Variants in CRISPLD2 observed in about 807,000 individuals in gnomAD.
CRISPLD2 encodes cysteine-rich secretory protein LCCL domain-containing 2.
A neutral mutation model predicts 71.1 loss-of-function variants in CRISPLD2; 47 were observed. That is an observed-to-expected ratio of 0.66 (90% CI 0.52 to 0.84). The LOEUF is 0.84. CRISPLD2 is among the 40% of genes least tolerant of loss of function. CRISPLD2 has a pLI of 0.00. For missense variants in CRISPLD2, 830 were observed against 651.1 expected, an observed-to-expected ratio of 1.27 and a Z score of -2.99; for synonymous variants, 317 against 250.1, an observed-to-expected ratio of 1.27 and a Z score of -2.52.
At chr16:84,829,505 C>T (rs766675876) in intron 1 of CRISPLD2, among the ~76,000 whole-genome samples, 1 of 152,158 alleles carries the variant, frequency 6.6e-6, no homozygotes, top group Non-Finnish European at 1.5e-5. Flanking sequence ...TGGCCTCTTG[C>T]TCAGATCTGA....
At chr16:84,882,139 A>T (rs187941964) in intron 13 of CRISPLD2, among the ~76,000 whole-genome samples, 1 of 152,314 alleles carries the variant, frequency 6.6e-6, no homozygotes, top group African/African-American at 2.4e-5. Context: ...ATTTAAAAAT[A>T]AAGAGCTGGG....
intron 13 of CRISPLD2, among the ~76,000 whole-genome samples, chr16:84,887,731 C>G (rs147167506): frequency 1.8e-4 from 27 of 152,210 alleles, no homozygotes; most frequent in African/African-American, 6.5e-4. Flanking sequence ...ACAAAATTAG[C>G]CAGACGTGGT....
intron 12 of CRISPLD2, 87 bp from the exon 13 acceptor site, chr16:84,880,422 A>G: frequency 9.5e-7 from 1 of 1,056,508 alleles, no homozygotes. Flanking sequence ...ACGAACTTAA[A>G]TCTTGGAATT....
intron 4 of CRISPLD2, 66 bp from the exon 5 acceptor site, chr16:84,850,502 G>T: frequency 7.3e-7 from 1 of 1,370,446 alleles, no homozygotes; most frequent in Non-Finnish European, 1.0e-6. Flanking sequence ...ATACATCCAG[G>T]CCAAATGATA....
intron 6 of CRISPLD2, among the ~76,000 whole-genome samples, chr16:84,856,565 G>A (rs901435222): frequency 1.3e-5 from 2 of 152,136 alleles, no homozygotes; most frequent in African/African-American, 4.8e-5. Flanking sequence ...TAGGGGTGAG[G>A]GTGAGTGATG....
intron 6 of CRISPLD2, among the ~76,000 whole-genome samples, chr16:84,866,355 C>A (rs1375397372): frequency 2.0e-5 from 3 of 151,958 alleles, no homozygotes; most frequent in African/African-American, 7.3e-5. Context: ...TGCCTCAGCA[C>A]CCCCCAAGTA....
At chr16:84,837,933 G>C (rs1916666145) in intron 1 of CRISPLD2, among the ~76,000 whole-genome samples, 1 of 152,226 alleles carries the variant, frequency 6.6e-6, no homozygotes, top group African/African-American at 2.4e-5. Context: ...CGAGGGCCGT[G>C]ATAAGAGGAG....
rs1491536456 is a variant in CRISPLD2 at position 84,904,606 on chromosome 16, TTA to T, written c.1440-1981_1440-1980del. Among the ~76,000 whole-genome samples the T allele has an allele frequency of 2.5e-3, 355 of 142,212 alleles. 1 individual carries two copies. Among genetic ancestry groups the T allele is most frequent in the African/African-American group, 6.0e-3 (217 of 35,950 alleles). 93.3% of individuals were successfully genotyped at this position (142,212 alleles called of 152,430 possible). ...CTCAAAAAAAGGTAAAAAAAAAAAT[TTA>T]AAAAAAAAATTAAAAAAAAAAATGA... On this transcript the variant is annotated intron_variant, in intron 14 of 14. Coordinates refer to ENST00000262424, the MANE Select transcript of CRISPLD2 (RefSeq NM_031476.4).
intron 6 of CRISPLD2, among the ~76,000 whole-genome samples, chr16:84,864,271 G>A (rs577655913): frequency 1.6e-4 from 24 of 152,280 alleles, no homozygotes; most frequent in African/African-American, 5.1e-4. Flanking sequence ...CCCATCCTGC[G>A]GGTAAAGCCT....
intron 1 of CRISPLD2, among the ~76,000 whole-genome samples, chr16:84,834,179 G>A (rs1400251599): frequency 6.6e-6 from 1 of 152,202 alleles, no homozygotes; most frequent in Non-Finnish European, 1.5e-5. Flanking sequence ...AAAGTCAGGA[G>A]GGTGAGAGGA....
rs754834321 is a variant in CRISPLD2, at chr16:84,906,698, T to G, written c.*56T>G. 35 of 1,592,412 alleles carry G rather than the reference T, an allele frequency of 2.2e-5. No individual in the cohort carries two copies. Among genetic ancestry groups the G allele is most frequent in the Non-Finnish European group, 2.8e-5 (32 of 1,160,426 alleles). On this transcript the variant is annotated 3_prime_UTR_variant, in exon 15 of 15. Coordinates refer to ENST00000262424, the MANE Select transcript of CRISPLD2 (RefSeq NM_031476.4). ...TCAGGAGGGCTTCGGGGTTTTGCTT[T>G]TATTTTTATTTTGTCATTGCGGGGT...
At chr16:84,827,561 T>C (rs1342317393) in intron 1 of CRISPLD2, among the ~76,000 whole-genome samples, 1 of 110,176 alleles carries the variant, frequency 9.1e-6, no homozygotes, top group Non-Finnish European at 2.1e-5. Context: ...GCCCTTTCTT[T>C]TTTTTTTTTT....
chr16:84,820,313 C>T (rs773568883), intron 1 of CRISPLD2, among the ~76,000 whole-genome samples, 180 bp downstream of exon 1: 20 of 152,178 alleles, frequency 1.3e-4, no homozygotes, highest in Non-Finnish European at 2.2e-4. Flanking sequence ...GAAACTGAGG[C>T]TCAGCGAGGA....
At chr16:84,869,178 C>T (rs1021772114) in intron 8 of CRISPLD2, among the ~76,000 whole-genome samples, 3 of 152,058 alleles carry the variant, frequency 2.0e-5, no homozygotes, top group African/African-American at 4.8e-5. Context: ...CGGTATATTC[C>T]CCCCATGGTA....
At position 84,820,029 on chromosome 16, in the gene CRISPLD2, G is replaced by C. The variant is rs1421526766; in HGVS notation, c.-179G>C. On this transcript the variant is annotated 5_prime_UTR_variant, in exon 1 of 15. Transcript: ENST00000262424. ...TCCGGCTGCTCCTATTGAGCTGTCT[G>C]CTCGCTGTGCCCGCTGTGCCTGCTG... 2 of 152,378 alleles carry C rather than the reference G, an allele frequency of 1.3e-5. No homozygotes were observed. The highest frequency in any genetic ancestry group is 2.9e-5 in the Non-Finnish European group (2 of 68,124). 9.4% of individuals were successfully genotyped at this position (152,378 alleles called of 1,614,324 possible). A position where few individuals can be genotyped will look rare whatever the true frequency, so the allele number is the denominator to read the frequency against.
At chr16:84,873,592 T>C (rs540701712) in intron 10 of CRISPLD2, 2 of 265,142 alleles carry the variant, frequency 7.5e-6, no homozygotes, top group Admixed American at 1.0e-4. Flanking sequence ...AATAATAACT[T>C]CTTTGTAATG....
At chr16:84,825,928 A>G (rs974867886) in intron 1 of CRISPLD2, among the ~76,000 whole-genome samples, 1 of 151,782 alleles carries the variant, frequency 6.6e-6, no homozygotes, top group Non-Finnish European at 1.5e-5. Flanking sequence ...CGGCACTCCA[A>G]CCTGAACAAC....
At chr16:84,886,313 C>T (rs2071612723) in intron 13 of CRISPLD2, among the ~76,000 whole-genome samples, 1 of 152,220 alleles carries the variant, frequency 6.6e-6, no homozygotes, top group South Asian at 2.1e-4. Context: ...TGTGCTTTTA[C>T]AGTGGATCCT....
intron 1 of CRISPLD2, among the ~76,000 whole-genome samples, chr16:84,832,508 A>C (rs1567679062): frequency 6.6e-6 from 1 of 152,260 alleles, no homozygotes; most frequent in Non-Finnish European, 1.5e-5. Context: ...AATATTTATC[A>C]AACACTGACT....
Sources: gnomAD v4.1 joint callset for allele counts (sites outside exome capture counted in the v4.1 genomes callset) on GRCh38, gnomAD v4.1.1 for gene constraint, MANE v1.5 for transcripts, NCBI Gene and HGNC (gene_info 2026-07-23, HGNC 2026-07-21) for gene names.